The following CLCN4 variants were observed in gnomAD, a reference collection of about 807,000 sequenced individuals.
The protein encoded by CLCN4 is H(+)/Cl(-) exchange transporter 4.
CLCN4 carries 1 observed loss-of-function variant against 41.7 expected under a neutral mutation model. The observed-to-expected ratio is 0.02, with a 90% CI of 0.01 to 0.11. The LOEUF is 0.11. CLCN4 is among the 10% of genes least tolerant of loss of function. The probability of loss-of-function intolerance (pLI) is 1.00; values close to 1 mark genes in which losing one functional copy is unlikely to be tolerated. For synonymous variants in CLCN4, 277 were observed against 285.8 expected (o/e 0.97, Z 0.31); for missense variants, 287 against 661.0 (o/e 0.43, Z 6.20).
At chrX:10,215,897 GATA>G (rs1023866390) in intron 11 of CLCN4, among the ~76,000 whole-genome samples, 1 of 112,152 alleles carries the variant, frequency 8.9e-6, no homozygotes, top group Non-Finnish European at 1.9e-5. Context: ...CAATCAGACC[GATA>G]ATAATATAGA....
chrX:10,162,176 G>A (rs1029484741), intron 2 of CLCN4, among the ~76,000 whole-genome samples: 1 of 110,399 alleles, frequency 9.1e-6, no homozygotes, highest in African/African-American at 3.3e-5. Flanking sequence ...ACGCCACCAC[G>A]GCTGGCTAAT....
rs780389254 is a variant in CLCN4 at position 10,211,691 on chromosome X, C to T, written c.1390-776C>T. Among the ~76,000 whole-genome samples the T allele has an allele frequency of 1.5e-3, 164 of 111,872 alleles. 1 individual carries two copies. Among genetic ancestry groups the T allele is most frequent in the Middle Eastern group, 9.3e-3 (2 of 216 alleles). ...CATTGCAGCTGCTGCCCATGGTCAG[C>T]GGTCACGTGTCATTTCAGCGAACAC... On this transcript the variant is annotated intron_variant, in intron 9 of 12. Transcript: ENST00000380833.
At position 10,185,170 on chromosome X, in the gene CLCN4, C is replaced by T. The variant is rs2147167452; in HGVS notation, c.138C>T (p.His46=). 8 of 1,198,258 alleles carry T rather than the reference C, an allele frequency of 6.7e-6. No individual in the cohort carries two copies. Among genetic ancestry groups the T allele is most frequent in the Non-Finnish European group, 9.0e-6 (8 of 887,882 alleles). Residue 46 remains histidine (H), a synonymous_variant, in exon 3 of 13, where the codon CAC becomes CAT. Transcript: ENST00000380833. The part of the protein sequence containing the change: ...LREKSRDTDR[H]RKITSKSKES... ...AAAAGTCACGGGACACCGACAGACA[C>T]AGGAAGGTAGGTGGCATTCCGAAAG...
intron 2 of CLCN4, among the ~76,000 whole-genome samples, chrX:10,162,979 G>A (rs5934782): frequency 0.49 from 54,996 of 112,122 alleles, 9,825 homozygotes; most frequent in East Asian, 0.94. Flanking sequence ...GATGTTCTGT[G>A]TAATTGAAAA....
chrX:10,231,886 A>G (rs1402643457), intron 12 of CLCN4, among the ~76,000 whole-genome samples: 4 of 112,149 alleles, frequency 3.6e-5, no homozygotes, highest in Non-Finnish European at 7.5e-5. Flanking sequence ...ATCCATTGAC[A>G]ATTATTGCCT....
At chrX:10,224,508 T>C in intron 12 of CLCN4, among the ~76,000 whole-genome samples, 1 of 110,561 alleles carries the variant, frequency 9.0e-6, no homozygotes, top group Non-Finnish European at 1.9e-5. Flanking sequence ...TGTTATCTAC[T>C]AAAGAACATG....
Position 10,212,668 on chromosome X carries a change from G to C in CLCN4, c.1576+15G>C, listed in dbSNP as rs766499844. Reference sequence around the variant, plus strand: ...GGCCTGCCTCGGTACGACCATGGGTGGGGCAGGGAGGGGGACCGGGGAACT... The same window carrying C: ...GGCCTGCCTCGGTACGACCATGGGTCGGGCAGGGAGGGGGACCGGGGAACT... On this transcript the variant is annotated intron_variant, in intron 10 of 12. Transcript: ENST00000380833. 5 of 1,180,701 alleles carry C rather than the reference G, an allele frequency of 4.2e-6. No homozygotes were observed. In the South Asian group the frequency reaches 7.4e-5, roughly 17 times the overall value.
intron 2 of CLCN4, among the ~76,000 whole-genome samples, chrX:10,160,697 A>C (rs971673302): frequency 1.8e-5 from 2 of 111,896 alleles, no homozygotes; most frequent in African/African-American, 3.3e-5. Flanking sequence ...AGGAGGAGGC[A>C]AACACAAATG....
chrX:10,190,574 C>T (rs906279970), intron 4 of CLCN4, among the ~76,000 whole-genome samples: 1 of 111,679 alleles, frequency 9.0e-6, no homozygotes, highest in Non-Finnish European at 1.9e-5. Flanking sequence ...GCAGTGTTTA[C>T]TTAGCTGACT....
rs573813499 is a variant in CLCN4, at chrX:10,200,344, A to C, written c.555+2283A>C. On this transcript the variant is annotated intron_variant, in intron 6 of 12. Coordinates refer to ENST00000380833, the MANE Select transcript of CLCN4 (RefSeq NM_001830.4). ...GAGGCAAATTTGCATTTTCCAACCA[A>C]GTGTCGTAGCAGAGCTGACTGTATT... Among the ~76,000 whole-genome samples, 24 of 112,949 alleles carry C rather than the reference A, an allele frequency of 2.1e-4. No individual in the cohort carries two copies. In the South Asian group the frequency reaches 4.7e-3, roughly 22 times the overall value.
chrX:10,192,881 A>G (rs182122558), intron 4 of CLCN4, among the ~76,000 whole-genome samples: 1 of 112,055 alleles, frequency 8.9e-6, no homozygotes, highest in African/African-American at 3.2e-5. Flanking sequence ...AGCTGCTGGG[A>G]TATGGGGATT....
intron 12 of CLCN4, among the ~76,000 whole-genome samples, chrX:10,223,249 A>G (rs1192066654): frequency 8.9e-6 from 1 of 111,985 alleles, no homozygotes; most frequent in Non-Finnish European, 1.9e-5. Context: ...TCAAGTGTGT[A>G]GCAGTTTCTC....
intron 2 of CLCN4, among the ~76,000 whole-genome samples, chrX:10,178,206 T>C (rs1320823443): frequency 9.0e-6 from 1 of 111,627 alleles, no homozygotes; most frequent in East Asian, 2.8e-4. Flanking sequence ...TGGAATTGGA[T>C]AGTGGTGATG....
At position 10,227,235 on chromosome X, in the gene CLCN4, A is replaced by G. The variant is rs182193687; in HGVS notation, c.2193-6259A>G. Reference sequence around the variant, plus strand: ...AAGTCAGCTTCATCCCTGGGGTGCAAGGCTGGTTCAACATACACAAATCAA... The same window carrying G: ...AAGTCAGCTTCATCCCTGGGGTGCAGGGCTGGTTCAACATACACAAATCAA... On this transcript the variant is annotated intron_variant, in intron 12 of 12. Transcript: ENST00000380833. Among the ~76,000 whole-genome samples the G allele has an allele frequency of 3.0e-3, 335 of 111,536 alleles. 2 individuals are homozygous for G. The highest frequency in any genetic ancestry group is 0.01 in the African/African-American group (317 of 30,743).
chrX:10,177,037 C>T (rs767257099), intron 2 of CLCN4, among the ~76,000 whole-genome samples: 169 of 112,850 alleles, frequency 1.5e-3, no homozygotes, highest in African/African-American at 5.1e-3. Flanking sequence ...GTTCGTGATC[C>T]TGTGGGCCAA....
At chrX:10,201,271 C>A (rs763355698) in intron 6 of CLCN4, among the ~76,000 whole-genome samples, 4 of 111,743 alleles carry the variant, frequency 3.6e-5, no homozygotes, top group African/African-American at 6.5e-5. Context: ...CATGGGTACT[C>A]GCTTTTATTA....
intron 3 of CLCN4, among the ~76,000 whole-genome samples, chrX:10,185,907 TA>T (rs905617792): frequency 9.0e-6 from 1 of 110,627 alleles, no homozygotes; most frequent in African/African-American, 3.3e-5. Flanking sequence ...CAGAAGACAA[TA>T]AAGATGCGCT....
intron 6 of CLCN4, among the ~76,000 whole-genome samples, chrX:10,203,566 A>G (rs1267680940): frequency 8.9e-6 from 1 of 111,883 alleles, no homozygotes; most frequent in East Asian, 2.8e-4. Context: ...ACCTGGTGAA[A>G]GAACAAAGAG....
intron 4 of CLCN4, among the ~76,000 whole-genome samples, chrX:10,190,444 T>C (rs1181552435): frequency 1.8e-5 from 2 of 111,732 alleles, no homozygotes; most frequent in Non-Finnish European, 3.8e-5. Flanking sequence ...CTCTTTGCCT[T>C]TGTTTTTCCT....
Sources: allele counts gnomAD v4.1 joint callset (sites outside exome capture counted in the v4.1 genomes callset), GRCh38; gene constraint gnomAD v4.1.1; transcripts MANE v1.5; gene names NCBI Gene and HGNC (gene_info 2026-07-23, HGNC 2026-07-21).